DRC7: variants seen among roughly 807,000 people sequenced by gnomAD.
The protein encoded by DRC7 is coiled-coil domain containing 135.
DRC7 carries 80 observed loss-of-function variants against 104.4 expected under a neutral mutation model. That is an observed-to-expected ratio of 0.77 (90% confidence interval 0.64 to 0.92). DRC7 has a LOEUF of 0.92. DRC7 is among the 40% of genes least tolerant of loss of function. The pLI, the probability that DRC7 is intolerant of heterozygous loss-of-function variation, is 0.00. For synonymous variants in DRC7, 405 were observed against 447.3 expected, an observed-to-expected ratio of 0.91 and a Z score of 1.19; for missense variants, 1,034 against 1,141.1, an observed-to-expected ratio of 0.91 and a Z score of 1.35.
At chr16:57,703,605 C>T (rs941752529) in intron 6 of DRC7, among the ~76,000 whole-genome samples, 1 of 152,186 alleles carries the variant, frequency 6.6e-6, no homozygotes, top group Non-Finnish European at 1.5e-5. Flanking sequence ...AAGAGCCTTG[C>T]TCTCTCAGGC....
chr16:57,726,051 A>G lies in DRC7; in HGVS notation c.1759-17A>G, dbSNP rs1204433715. Reference sequence around the variant, plus strand: ...CGCTCATCCTTTGCTCATCCTTTGCATGTTCTGGCCTCCCAGAAAATCACA... The same window carrying G: ...CGCTCATCCTTTGCTCATCCTTTGCGTGTTCTGGCCTCCCAGAAAATCACA... On this transcript the variant is annotated splice_polypyrimidine_tract_variant and intron_variant, in intron 13 of 18. Coordinates refer to ENST00000360716, the MANE Select transcript of DRC7 (RefSeq NM_001289162.2). The G allele has an allele frequency of 8.7e-6, 14 of 1,608,184 alleles. No homozygotes were observed. The highest frequency in any genetic ancestry group is 1.2e-5 in the Non-Finnish European group (14 of 1,176,862).
At chr16:57,698,828 T>C in intron 3 of DRC7, 22 bp from the exon 4 acceptor site, 2 of 1,610,196 alleles carry the variant, frequency 1.2e-6, no homozygotes, top group Non-Finnish European at 1.7e-6. Flanking sequence ...GCTTCCCTAA[T>C]GCCATCCCTG....
intron 8 of DRC7, chr16:57,707,971 C>T (rs2048751307): frequency 2.2e-6 from 1 of 455,156 alleles, no homozygotes; most frequent in Non-Finnish European, 4.1e-6. Context: ...TACACTCATC[C>T]CATGCATACA....
intron 11 of DRC7, 31 bp downstream of exon 11, chr16:57,722,872 G>C (rs770212119): frequency 1.2e-5 from 19 of 1,613,228 alleles, no homozygotes; most frequent in Non-Finnish European, 1.4e-5. Context: ...CATGGGTCCA[G>C]GCCAGCCCAG....
At chr16:57,708,641 A>G (rs952352455) in intron 8 of DRC7, among the ~76,000 whole-genome samples, 12 of 152,276 alleles carry the variant, frequency 7.9e-5, no homozygotes, top group African/African-American at 2.9e-4. Flanking sequence ...GCTGAGTCAC[A>G]GGGTGGGCAC....
chr16:57,701,873 C>T (rs1182382576), intron 5 of DRC7, 63 bp from the exon 6 acceptor site: 47 of 1,432,140 alleles, frequency 3.3e-5, no homozygotes, highest in Non-Finnish European at 4.0e-5. Flanking sequence ...GGGCTGTGAC[C>T]GGTGGGGAGG....
intron 1 of DRC7, among the ~76,000 whole-genome samples, chr16:57,695,726 A>C (rs532265430): frequency 5.3e-4 from 81 of 152,334 alleles, no homozygotes; most frequent in African/African-American, 1.6e-3. Context: ...CAGAGCACAG[A>C]ATGTCAGAAT....
Position 57,727,342 on chromosome 16 carries a change from A to G in DRC7, c.2129A>G (p.His710Arg), listed in dbSNP as rs2148772969. 1 of 1,613,448 alleles carries G rather than the reference A, an allele frequency of 6.2e-7. No individual in the cohort carries two copies. The highest frequency in any genetic ancestry group is 1.1e-5 in the South Asian group (1 of 91,068). The change falls in exon 16 of 19, where the codon CAC becomes CGC. Residue 710 changes from histidine (H) to arginine (R), a missense_variant. Transcript: ENST00000360716. Reference protein sequence around the residue: ...LKLREEEEAAHTLTISIYDTK... With the variant: ...LKLREEEEAARTLTISIYDTK... Reference sequence around the variant, plus strand: ...CTTCGAGAGGAAGAGGAGGCGGCGCACACACTGACCATCTCCATCTATGAC... The same window carrying G: ...CTTCGAGAGGAAGAGGAGGCGGCGCGCACACTGACCATCTCCATCTATGAC...
chr16:57,727,033 G>A (rs1348922746), intron 15 of DRC7, 91 bp downstream of exon 15: 8 of 811,218 alleles, frequency 9.9e-6, no homozygotes, highest in East Asian at 8.0e-5. Flanking sequence ...ATGCAGTGGC[G>A]CAATTATGGC....
intron 9 of DRC7, among the ~76,000 whole-genome samples, chr16:57,719,917 GACA>G (rs552026962): frequency 2.6e-5 from 4 of 151,986 alleles, no homozygotes; most frequent in South Asian, 2.1e-4. Flanking sequence ...AAGTGATCAA[GACA>G]ACAACAACAA....
intron 8 of DRC7, among the ~76,000 whole-genome samples, chr16:57,712,410 T>A (rs1428723418): frequency 6.6e-6 from 1 of 152,242 alleles, no homozygotes; most frequent in Admixed American, 6.5e-5. Context: ...GGCCCCGTTT[T>A]AGCTAGTCCT....
intron 8 of DRC7, among the ~76,000 whole-genome samples, chr16:57,710,816 C>T (rs530935892): frequency 2.0e-5 from 3 of 152,210 alleles, no homozygotes; most frequent in East Asian, 3.9e-4. Context: ...TTAGACTAAC[C>T]ATGGTTTTCC....
rs1475264271 is a variant in DRC7, at chr16:57,697,881, C to A, written c.-37-32C>A. ...GGTGGCTCCTGCCTGGGCTGACAGTCGGCCATGGAGTATACTTACCCTTCC... is the reference window on the plus strand; with the variant it reads ...GGTGGCTCCTGCCTGGGCTGACAGTAGGCCATGGAGTATACTTACCCTTCC... On this transcript the variant is annotated intron_variant, in intron 2 of 18. Coordinates refer to ENST00000360716, the MANE Select transcript of DRC7 (RefSeq NM_001289162.2). 3.9e-6 allele frequency: 6 copies of A among 1,549,028 alleles called. No individual in the cohort carries two copies. In the Middle Eastern group the frequency reaches 1.2e-3, roughly 312 times the overall value.
In DRC7 at chr16:57,698,915, A is replaced by T. The variant is rs779909844; in HGVS notation, c.269A>T (p.Lys90Met). ...LPISYKTNTP[K>M]EEHLLQVADN... Reference sequence around the variant, plus strand: ...ATTTCCTACAAAACCAACACACCCAAGGAGGAACACCTGCTGCAGGTGGCA... The same window carrying T: ...ATTTCCTACAAAACCAACACACCCATGGAGGAACACCTGCTGCAGGTGGCA... The change falls in exon 4 of 19, where the codon AAG becomes ATG. Residue 90 changes from lysine (K) to methionine (M), a missense_variant. Lys to Met is a moderately conservative substitution (Grantham distance 95). Transcript: ENST00000360716. 2 of 1,614,134 alleles carry T rather than the reference A, an allele frequency of 1.2e-6. No individual in the cohort carries two copies. The highest frequency in any genetic ancestry group is 1.7e-6 in the Non-Finnish European group (2 of 1,180,004).
intron 17 of DRC7, among the ~76,000 whole-genome samples, chr16:57,730,314 T>C (rs1466088657): frequency 7.1e-6 from 1 of 140,372 alleles, no homozygotes. Flanking sequence ...GGTGGATGGA[T>C]GGATGGATGG....
chr16:57,724,783 G>A lies in DRC7; in HGVS notation c.1706G>A (p.Arg569Gln), dbSNP rs114067415. 1.6e-5 allele frequency: 26 copies of A among 1,613,608 alleles called. No individual in the cohort carries two copies. The Admixed American group carries it at 1.7e-4, about 10-fold the overall frequency. Residue 569 changes from arginine to glutamine, a missense_variant, in exon 13 of 19, where the codon CGA (arginine) becomes CAA (glutamine). Coordinates refer to ENST00000360716, the MANE Select transcript of DRC7 (RefSeq NM_001289162.2). ...LSYRHASFGP[R>Q]VKKLTLSSAE... is the part of the protein sequence containing the mutation. ...TACCGCCATGCCAGCTTCGGACCCC[G>A]AGTCAAGAAGCTCACTCTGAGCAGT...
chr16:57,726,353 C>G (rs1273861847), intron 14 of DRC7, 70 bp downstream of exon 14: 3 of 1,350,866 alleles, frequency 2.2e-6, no homozygotes, highest in African/African-American at 1.4e-5. Flanking sequence ...CTTATTCCAG[C>G]CACTTGGGAG....
chr16:57,718,559 G>A, intron 9 of DRC7, 84 bp downstream of exon 9: 1 of 1,522,946 alleles, frequency 6.6e-7, no homozygotes, highest in Non-Finnish European at 9.0e-7. Context: ...GCATATGTGT[G>A]GCAGTGGGGG....
Position 57,698,813 on chromosome 16 carries a change from G to C in DRC7, c.204-37G>C, listed in dbSNP as rs551682161. ...TGGAACCAGGGCTCCTGTGTGCCAG[G>C]CATGGCTTCCCTAATGCCATCCCTG... On this transcript the variant is annotated intron_variant, in intron 3 of 18. Coordinates refer to ENST00000360716, the MANE Select transcript of DRC7 (RefSeq NM_001289162.2). 4.4e-6 allele frequency: 7 copies of C among 1,600,578 alleles called. No individual in the cohort carries two copies. In the African/African-American group the frequency reaches 9.3e-5, roughly 21 times the overall value.
Sources: gnomAD v4.1 joint callset for allele counts (sites outside exome capture counted in the v4.1 genomes callset) on GRCh38, gnomAD v4.1.1 for gene constraint, MANE v1.5 for transcripts, NCBI Gene and HGNC (gene_info 2026-07-23, HGNC 2026-07-21) for gene names.